SNRPA1: variants seen among roughly 807,000 people sequenced by gnomAD.
SNRPA1 encodes the protein U2 small nuclear ribonucleoprotein A'.
SNRPA1 carries 5 observed loss-of-function variants against 32.3 expected under a neutral mutation model. The observed-to-expected ratio is 0.15, with a 90% CI of 0.08 to 0.33. SNRPA1 has a LOEUF of 0.33. Ranked by LOEUF, SNRPA1 falls within the 10% of genes least tolerant of loss-of-function variation. The pLI is 1.00. For missense variants in SNRPA1, 198 were observed against 311.1 expected, an observed-to-expected ratio of 0.64 and a Z score of 2.74; for synonymous variants, 111 against 120.1, an observed-to-expected ratio of 0.92 and a Z score of 0.50.
intron 1 of SNRPA1, chr15:101,294,814 A>C (rs931700172): frequency 1.6e-5 from 6 of 376,486 alleles, no homozygotes; most frequent in Non-Finnish European, 2.4e-5. Flanking sequence ...CGAAACAGCC[A>C]AGCAAGGCCT....
intron 1 of SNRPA1, among the ~76,000 whole-genome samples, chr15:101,294,137 G>C (rs1217496076): frequency 6.6e-6 from 1 of 152,216 alleles, no homozygotes; most frequent in Non-Finnish European, 1.5e-5. Flanking sequence ...CGGGAGGCTT[G>C]AGACACAGGA....
In SNRPA1 at chr15:101,286,220, C is replaced by T; in HGVS notation, c.533G>A (p.Ser178Asn). 6.2e-7 allele frequency: 1 copy of T among 1,613,754 alleles called. No homozygotes were observed. Among genetic ancestry groups the T allele is most frequent in the Non-Finnish European group, 8.5e-7 (1 of 1,179,708 alleles). The change falls in exon 6 of 9, where the codon AGC becomes AAC. Residue 178 changes from serine (S) to asparagine (N), a missense_variant. Ser to Asn is a conservative substitution (Grantham distance 46). Around this residue, in one of 3 missense-constraint regions of SNRPA1, gnomAD observed 77 missense variants for 120.1 expected, o/e 0.64. Transcript: ENST00000254193. ...TTGGATATCCGTGTCTTACGTTTTGCTTCTCCTGGCAATATCCTTTGCAAG... is the reference window on the plus strand; with the variant it reads ...TTGGATATCCGTGTCTTACGTTTTGTTTCTCCTGGCAATATCCTTTGCAAG... ...AQLAKDIARR[S>N]KTFNPGAGLP...
At chr15:101,286,871 C>T (rs2039460622) in intron 5 of SNRPA1, 37 bp downstream of exon 5, 1 of 1,074,384 alleles carries the variant, frequency 9.3e-7, no homozygotes, top group Non-Finnish European at 1.4e-6. Context: ...AAACACACAA[C>T]TCTATAATGG....
At chr15:101,287,359 G>A (rs530302204) in intron 4 of SNRPA1, among the ~76,000 whole-genome samples, 19 of 151,568 alleles carry the variant, frequency 1.3e-4, no homozygotes, top group African/African-American at 3.9e-4. Flanking sequence ...AACAGGCCCC[G>A]GTGTGTGATG....
intron 8 of SNRPA1, among the ~76,000 whole-genome samples, chr15:101,283,286 C>T (rs1428667583): frequency 6.6e-6 from 1 of 152,100 alleles, no homozygotes; most frequent in African/African-American, 2.4e-5. Flanking sequence ...CGGTGGCTCA[C>T]GCCTGTAATC....
At chr15:101,285,116 C>T in intron 7 of SNRPA1, 56 bp from the exon 8 acceptor site, 1 of 1,241,352 alleles carries the variant, frequency 8.1e-7, no homozygotes, top group Non-Finnish European at 1.2e-6. Context: ...GTATCAGCTA[C>T]CCAGAAAACT....
Position 101,295,185 on chromosome 15 carries a change from G to T in SNRPA1, c.-7C>A, listed in dbSNP as rs759165161. 2 of 1,541,338 alleles carry T rather than the reference G, an allele frequency of 1.3e-6. No homozygotes were observed. The highest frequency in any genetic ancestry group is 1.7e-6 in the Non-Finnish European group (2 of 1,147,838). On this transcript the variant is annotated 5_prime_UTR_variant, in exon 1 of 9. It adds an upstream start codon to the 5' untranslated region. Coordinates refer to ENST00000254193, the MANE Select transcript of SNRPA1 (RefSeq NM_003090.4). ...CCGCCGTCAGCTTGACCATCCTGCA[G>T]CCTCCCGTTCCCCCGCGCTGTGGAA... is the stretch of plus-strand genomic sequence containing the variant.
At chr15:101,284,784 G>A in intron 8 of SNRPA1, 183 bp downstream of exon 8, 3 of 504,184 alleles carry the variant, frequency 6.0e-6, no homozygotes, top group East Asian at 4.0e-5. Context: ...TTACAGGCGT[G>A]AGCCACTGCA....
At chr15:101,284,839 T>G in intron 8 of SNRPA1, 128 bp downstream of exon 8, 1 of 738,002 alleles carries the variant, frequency 1.4e-6, no homozygotes, top group Non-Finnish European at 2.4e-6. Flanking sequence ...TTTAAAGAGA[T>G]TTCATATATT....
At chr15:101,295,052 G>A (rs2039573220) in intron 1 of SNRPA1, 45 bp downstream of exon 1, 1 of 1,282,192 alleles carries the variant, frequency 7.8e-7, no homozygotes, top group Non-Finnish European at 1.0e-6. Flanking sequence ...AAATAAGGCG[G>A]CTCGGTGCCG....
intron 8 of SNRPA1, chr15:101,284,628 G>C (rs59412532): frequency 5.5e-6 from 1 of 180,706 alleles, no homozygotes; most frequent in Non-Finnish European, 1.2e-5. Flanking sequence ...TCAGCCTCCC[G>C]AGTAGCTGGG....
intron 1 of SNRPA1, 183 bp downstream of exon 1, chr15:101,294,914 T>G (rs1002236005): frequency 8.7e-6 from 4 of 460,440 alleles, no homozygotes; most frequent in African/African-American, 6.1e-5. Context: ...CCCAGGAGCT[T>G]AACCGGATGC....
intron 5 of SNRPA1, 80 bp downstream of exon 5, chr15:101,286,828 A>G: frequency 1.4e-6 from 1 of 708,394 alleles, no homozygotes; most frequent in Non-Finnish European, 2.4e-6. Context: ...TCATTTAGAC[A>G]ATTTTAATAA....
intron 7 of SNRPA1, 78 bp downstream of exon 7, chr15:101,285,648 G>T: frequency 1.0e-6 from 1 of 974,914 alleles, no homozygotes; most frequent in South Asian, 1.3e-5. Context: ...GCAATGTTCG[G>T]AACATGTTTA....
chr15:101,295,023 G>T, intron 1 of SNRPA1, 74 bp downstream of exon 1: 2 of 1,016,736 alleles, frequency 2.0e-6, no homozygotes, highest in Non-Finnish European at 2.7e-6. Context: ...GGCCTTCGGT[G>T]CACGCGGCAA....
At chr15:101,285,615 A>G in intron 7 of SNRPA1, 111 bp downstream of exon 7, 3 of 743,526 alleles carry the variant, frequency 4.0e-6, no homozygotes, top group Non-Finnish European at 7.1e-6. Flanking sequence ...CTGTATGCTA[A>G]TAACTGTGGG....
intron 3 of SNRPA1, among the ~76,000 whole-genome samples, chr15:101,290,987 G>A (rs965521257): frequency 6.6e-6 from 1 of 151,764 alleles, no homozygotes; most frequent in Non-Finnish European, 1.5e-5. Flanking sequence ...TGATCCACCC[G>A]CCTCGGCCTC....
chr15:101,286,343 AT>A, intron 5 of SNRPA1, 50 bp from the exon 6 acceptor site: 1 of 1,508,818 alleles, frequency 6.6e-7, no homozygotes, highest in Non-Finnish European at 9.2e-7. Context: ...TACCACATGC[AT>A]TTAGATGCAT....
chr15:101,283,304 T>G (rs1434842639), intron 8 of SNRPA1, among the ~76,000 whole-genome samples: 3 of 151,942 alleles, frequency 2.0e-5, no homozygotes, highest in African/African-American at 7.3e-5. Context: ...ATCCCAGCAC[T>G]TTGGGAGGCC....
Sources: gnomAD v4.1 joint callset for allele counts (sites outside exome capture counted in the v4.1 genomes callset) on GRCh38, gnomAD v4.1.1 for gene constraint, gnomAD v4.1.1 regional missense constraint, MANE v1.5 for transcripts, NCBI Gene and HGNC (gene_info 2026-07-23, HGNC 2026-07-21) for gene names.